Variants in TTLL5 observed in about 807,000 individuals in gnomAD.
The protein encoded by TTLL5 is tubulin polyglutamylase TTLL5.
TTLL5 carries 132 observed loss-of-function variants against 168.4 expected under a neutral mutation model. That is an observed-to-expected ratio of 0.78 (90% CI 0.68 to 0.91). The LOEUF is 0.91. Ranked by LOEUF, TTLL5 falls within the 40% of genes least tolerant of loss-of-function variation. TTLL5 has a pLI of 0.00. For synonymous variants in TTLL5, 546 were observed against 558.6 expected (o/e 0.98, Z 0.32); for missense variants, 1,545 against 1,581.5 (o/e 0.98, Z 0.39).
At chr14:75,790,245 A>G (rs1488806266) in intron 26 of TTLL5, among the ~76,000 whole-genome samples, 1 of 152,228 alleles carries the variant, frequency 6.6e-6, no homozygotes, top group East Asian at 1.9e-4. Context: ...AAAGGAGACC[A>G]TCATTAAGAA....
rs76684803 is a variant in TTLL5 at position 75,691,318 on chromosome 14, G to A, written c.502+996G>A. Among the ~76,000 whole-genome samples the A allele has an allele frequency of 5.3e-3, 802 of 152,292 alleles. 4 individuals carry two copies. The highest frequency in any genetic ancestry group is 0.011 in the East Asian group (57 of 5,182). On this transcript the variant is annotated intron_variant, in intron 6 of 31. Coordinates refer to ENST00000298832, the MANE Select transcript of TTLL5 (RefSeq NM_015072.5). ...GCTGGTTTCAGGCTTTCCTCCACAGGGGCAGAGCCTGACTCAGTAGGCTTA... is the reference window on the plus strand; with the variant it reads ...GCTGGTTTCAGGCTTTCCTCCACAGAGGCAGAGCCTGACTCAGTAGGCTTA...
chr14:75,701,347 G>T (rs1886258177), intron 7 of TTLL5, among the ~76,000 whole-genome samples: 1 of 152,104 alleles, frequency 6.6e-6, no homozygotes, highest in Non-Finnish European at 1.5e-5. Context: ...ATCCTTACAT[G>T]TTGGACCATA....
At chr14:75,800,750 GC>G (rs1429093502) in intron 27 of TTLL5, among the ~76,000 whole-genome samples, 2 of 152,114 alleles carry the variant, frequency 1.3e-5, no homozygotes, top group Admixed American at 1.3e-4. Flanking sequence ...TCTGGGTCTA[GC>G]CCCCCAGCAG....
At chr14:75,924,427 G>T (rs2033936707) in intron 31 of TTLL5, among the ~76,000 whole-genome samples, 1 of 151,784 alleles carries the variant, frequency 6.6e-6, no homozygotes, top group South Asian at 2.1e-4. Flanking sequence ...AGAGGACCCT[G>T]CGGCCTTCCG....
rs147917101 is a variant in TTLL5, at chr14:75,683,503, G to T, written c.265-47G>T. 6.1e-3 allele frequency: 8,708 copies of T among 1,416,060 alleles called. 600 individuals are homozygous for T. The Admixed American group carries it at 0.13, about 21-fold the overall frequency. 87.7% of individuals were successfully genotyped at this position (1,416,060 alleles called of 1,614,324 possible). ...TGCCATTGCTTTTCCTGGAGAAGGGGTATCTCTGATGTTTTTTTGCCTTCT... is the reference window on the plus strand; with the variant it reads ...TGCCATTGCTTTTCCTGGAGAAGGGTTATCTCTGATGTTTTTTTGCCTTCT... On this transcript the variant is annotated intron_variant, in intron 4 of 31. Transcript: ENST00000298832.
At chr14:75,863,215 G>A (rs995556704) in intron 28 of TTLL5, among the ~76,000 whole-genome samples, 39 of 152,178 alleles carry the variant, frequency 2.6e-4, no homozygotes, top group African/African-American at 9.4e-4. Context: ...ACTGATGGGT[G>A]GTTGAGAGAA....
intron 28 of TTLL5, among the ~76,000 whole-genome samples, chr14:75,860,493 T>G (rs1897342740): frequency 6.6e-6 from 1 of 152,244 alleles, no homozygotes; most frequent in African/African-American, 2.4e-5. Flanking sequence ...GCTAGCAACT[T>G]CTGTAACCAG....
At chr14:75,790,626 C>A (rs1892641842) in intron 26 of TTLL5, among the ~76,000 whole-genome samples, 1 of 151,752 alleles carries the variant, frequency 6.6e-6, no homozygotes, top group South Asian at 2.1e-4. Context: ...GCCCATGTCC[C>A]CACACCCAGC....
intron 29 of TTLL5, 27 bp from the exon 30 acceptor site, chr14:75,882,655 TCGA>T: frequency 6.3e-7 from 1 of 1,586,224 alleles, no homozygotes; most frequent in Non-Finnish European, 8.6e-7. Context: ...GTGATGTCCA[TCGA>T]TCATTTTTTT....
intron 17 of TTLL5, among the ~76,000 whole-genome samples, chr14:75,752,550 C>A (rs1890014292): frequency 6.6e-6 from 1 of 152,102 alleles, no homozygotes; most frequent in African/African-American, 2.4e-5. Flanking sequence ...TTTCATTTGA[C>A]CTATATATAA....
At chr14:75,664,372 T>G (rs1315703891) in intron 2 of TTLL5, among the ~76,000 whole-genome samples, 2 of 152,222 alleles carry the variant, frequency 1.3e-5, no homozygotes, top group Non-Finnish European at 2.9e-5. Flanking sequence ...AAATTCATTT[T>G]TAAGATTCTC....
chr14:75,782,203 G>C (rs1011616664), intron 24 of TTLL5, among the ~76,000 whole-genome samples: 1 of 151,940 alleles, frequency 6.6e-6, no homozygotes, highest in African/African-American at 2.4e-5. Context: ...TTCCAGATAA[G>C]CCCTAGCTTG....
intron 31 of TTLL5, among the ~76,000 whole-genome samples, chr14:75,917,120 T>G (rs563169011): frequency 4.6e-5 from 7 of 152,332 alleles, no homozygotes; most frequent in African/African-American, 1.7e-4. Flanking sequence ...GGGATGGTCG[T>G]GCAGCGTGAA....
chr14:75,906,606 C>T (rs2033156804), intron 31 of TTLL5: 7 of 985,892 alleles, frequency 7.1e-6, no homozygotes, highest in Non-Finnish European at 8.4e-6. Context: ...CCCTTGCCCA[C>T]ACAATCTGAA....
At chr14:75,813,579 A>C (rs1004697432) in intron 27 of TTLL5, among the ~76,000 whole-genome samples, 1 of 152,104 alleles carries the variant, frequency 6.6e-6, no homozygotes, top group South Asian at 2.1e-4. Flanking sequence ...CTGGTATTAC[A>C]GGTGTGAGCC....
At chr14:75,782,978 G>A (rs916189585) in intron 25 of TTLL5, among the ~76,000 whole-genome samples, 169 bp from the exon 26 acceptor site, 1 of 152,106 alleles carries the variant, frequency 6.6e-6, no homozygotes, top group Non-Finnish European at 1.5e-5. Context: ...TTTCTGGTAG[G>A]CAAAAATCAT....
chr14:75,755,717 C>T (rs1890216850), intron 18 of TTLL5, among the ~76,000 whole-genome samples: 1 of 152,154 alleles, frequency 6.6e-6, no homozygotes, highest in Non-Finnish European at 1.5e-5. Context: ...GTGTTTGTAG[C>T]AAGTCCTAGT....
chr14:75,705,417 G>A (rs923500780), intron 7 of TTLL5, among the ~76,000 whole-genome samples: 7 of 152,188 alleles, frequency 4.6e-5, no homozygotes, highest in African/African-American at 1.7e-4. Flanking sequence ...ACAAACTTTT[G>A]AATTTGGGGG....
Position 75,717,987 on chromosome 14 carries a change from G to A in TTLL5, c.842+25G>A, listed in dbSNP as rs1214002549. ...GGTACTGGCTGTGTCTGAGCCAGAA[G>A]TCAGAGGTGTCAGTCTCAGATGTGG... On this transcript the variant is annotated intron_variant, in intron 10 of 31. Transcript: ENST00000298832. The A allele has an allele frequency of 3.1e-6, 5 of 1,601,128 alleles. No homozygotes were observed. The South Asian group carries it at 4.4e-5, about 14-fold the overall frequency.
Sources: gnomAD v4.1 joint callset for allele counts (sites outside exome capture counted in the v4.1 genomes callset) on GRCh38, gnomAD v4.1.1 for gene constraint, MANE v1.5 for transcripts, NCBI Gene and HGNC (gene_info 2026-07-23, HGNC 2026-07-21) for gene names.